EYA2: variants seen among roughly 807,000 people sequenced by gnomAD.
The protein encoded by EYA2 is EYA transcriptional coactivator and phosphatase 2, also known as protein phosphatase EYA2.
Under a neutral mutation model 69.2 loss-of-function variants are expected in EYA2, and 31 were observed. The observed-to-expected ratio is 0.45, with a 90% confidence interval of 0.34 to 0.60. EYA2 has a LOEUF of 0.60. Ranked by LOEUF, EYA2 falls within the 20% of genes least tolerant of loss-of-function variation. EYA2 has a pLI of 0.02. For missense variants in EYA2, 622 were observed against 701.2 expected, an observed-to-expected ratio of 0.89 and a Z score of 1.28; for synonymous variants, 257 against 279.4, an observed-to-expected ratio of 0.92 and a Z score of 0.80.
intron 9 of EYA2, among the ~76,000 whole-genome samples, chr20:47,105,226 A>G (rs1006014188): frequency 6.6e-6 from 1 of 152,080 alleles, no homozygotes; most frequent in Admixed American, 6.5e-5. Context: ...TGGCATCTCC[A>G]TTGGTTTTAT....
At chr20:46,906,659 A>T (rs923458659) in intron 1 of EYA2, among the ~76,000 whole-genome samples, 2 of 152,240 alleles carry the variant, frequency 1.3e-5, no homozygotes, top group African/African-American at 4.8e-5. Context: ...TACTGTTACT[A>T]TTCCCAGTTT....
At chr20:46,958,015 G>A (rs1979241063) in intron 1 of EYA2, among the ~76,000 whole-genome samples, 1 of 152,154 alleles carries the variant, frequency 6.6e-6, no homozygotes, top group African/African-American at 2.4e-5. Context: ...AAGACTTGCT[G>A]GCCTCTTCCC....
intron 10 of EYA2, among the ~76,000 whole-genome samples, chr20:47,154,819 T>TTGTGTG (rs11472542): frequency 0.15 from 20,742 of 140,628 alleles, 1,644 homozygotes; most frequent in Middle Eastern, 0.2. Flanking sequence ...TTATTTTGTT[T>TTGTGTG]TGTGTGTGTG....
chr20:47,022,690 G>A (rs1376805081), intron 5 of EYA2, among the ~76,000 whole-genome samples: 23 of 113,348 alleles, frequency 2.0e-4, no homozygotes, highest in Non-Finnish European at 3.5e-4. Flanking sequence ...CAGGGTCTCT[G>A]TCACCCGGGC....
intron 1 of EYA2, among the ~76,000 whole-genome samples, chr20:46,945,934 A>G (rs1357783628): frequency 2.0e-5 from 3 of 152,204 alleles, no homozygotes; most frequent in African/African-American, 7.2e-5. Context: ...GAGCTGTCTC[A>G]CGCTGGCTTG....
chr20:47,163,565 G>A (rs1568819056), intron 10 of EYA2, among the ~76,000 whole-genome samples: 1 of 151,880 alleles, frequency 6.6e-6, no homozygotes, highest in Non-Finnish European at 1.5e-5. Context: ...GGGCGTGGTG[G>A]TGCATGCCTG....
intron 7 of EYA2, among the ~76,000 whole-genome samples, chr20:47,087,401 G>A (rs73125547): frequency 0.019 from 2,929 of 152,254 alleles, 37 homozygotes; most frequent in Non-Finnish European, 0.031. Flanking sequence ...GGATGTCCTC[G>A]AAGGTTCACG....
intron 1 of EYA2, among the ~76,000 whole-genome samples, chr20:46,967,253 C>T (rs1025228105): frequency 1.3e-5 from 2 of 152,258 alleles, no homozygotes; most frequent in African/African-American, 2.4e-5. Flanking sequence ...CCGCCCACCT[C>T]GGCCTCCCGA....
intron 4 of EYA2, among the ~76,000 whole-genome samples, chr20:47,014,382 A>G (rs1983272871): frequency 6.6e-6 from 1 of 152,240 alleles, no homozygotes; most frequent in African/African-American, 2.4e-5. Flanking sequence ...GAAAGAAATG[A>G]AATTTTAAAC....
intron 10 of EYA2, among the ~76,000 whole-genome samples, chr20:47,144,940 A>G (rs1248090545): frequency 6.6e-6 from 1 of 152,234 alleles, no homozygotes; most frequent in Non-Finnish European, 1.5e-5. Flanking sequence ...CTAATGCGGT[A>G]AAGACTCAGC....
In EYA2 at chr20:47,180,924, G is replaced by A. The variant is rs867395689; in HGVS notation, c.1423G>A (p.Ala475Thr). 1 of 1,614,048 alleles carries A rather than the reference G, an allele frequency of 6.2e-7. No individual in the cohort carries two copies. Among genetic ancestry groups the A allele is most frequent in the South Asian group, 1.1e-5 (1 of 91,056 alleles). ...SVFPIENIYS[A>T]TKTGKESCFE... ...GTTTCCTATTGAGAACATCTACAGT[G>A]CAACCAAGACAGGTAGGGAGAAGCC... The change falls in exon 14 of 16, where the codon GCA becomes ACA. Residue 475 changes from alanine (A) to threonine (T), a missense_variant. Ala to Thr is a moderately conservative substitution (Grantham distance 58, BLOSUM62 0). This residue lies in a region of EYA2 where 257 missense variants were observed against 351.5 expected (regional missense o/e 0.73). Transcript: ENST00000327619.
chr20:47,155,019 C>T (rs1423028946), intron 10 of EYA2, among the ~76,000 whole-genome samples: 1 of 151,666 alleles, frequency 6.6e-6, no homozygotes, highest in Non-Finnish European at 1.5e-5. Context: ...CCACACCTGG[C>T]TAATTCTTGT....
intron 1 of EYA2, among the ~76,000 whole-genome samples, chr20:46,964,828 C>A (rs1473832272): frequency 6.6e-6 from 1 of 152,134 alleles, no homozygotes; most frequent in Non-Finnish European, 1.5e-5. Flanking sequence ...TCTGTGTGCC[C>A]CAGCATCTGC....
chr20:47,076,732 C>T (rs59290079), intron 7 of EYA2, among the ~76,000 whole-genome samples: 1,532 of 152,268 alleles, frequency 0.01, 66 homozygotes, highest in East Asian at 0.084. Flanking sequence ...TCCAGGTGTT[C>T]CAATGACAAT....
chr20:46,940,500 G>A (rs979902357), intron 1 of EYA2, among the ~76,000 whole-genome samples: 5 of 152,172 alleles, frequency 3.3e-5, no homozygotes, highest in Non-Finnish European at 7.3e-5. Context: ...CTTATAAAAC[G>A]TAAGTGATAA....
chr20:47,185,240 C>T (rs2146680366), intron 15 of EYA2, among the ~76,000 whole-genome samples: 1 of 144,624 alleles, frequency 6.9e-6, no homozygotes, highest in African/African-American at 2.5e-5. Context: ...TTTCTTCCAC[C>T]TTTGCTCATT....
intron 7 of EYA2, among the ~76,000 whole-genome samples, chr20:47,078,777 C>A (rs2031616418): frequency 6.6e-6 from 1 of 152,134 alleles, no homozygotes. Context: ...TTTTTAACTT[C>A]TAAGATCAAC....
chr20:47,013,936 A>G (rs1600639643), intron 4 of EYA2, among the ~76,000 whole-genome samples: 1 of 152,242 alleles, frequency 6.6e-6, no homozygotes, highest in East Asian at 1.9e-4. Context: ...AGAAGCATCA[A>G]GGTAAGGAAC....
At chr20:47,155,357 C>T (rs1386554343) in intron 10 of EYA2, among the ~76,000 whole-genome samples, 1 of 151,926 alleles carries the variant, frequency 6.6e-6, no homozygotes, top group Non-Finnish European at 1.5e-5. Flanking sequence ...CTGAATGCAC[C>T]TTCTAGAAAA....
Sources: gnomAD v4.1 joint callset for allele counts (sites outside exome capture counted in the v4.1 genomes callset) on GRCh38, gnomAD v4.1.1 for gene constraint, gnomAD v4.1.1 regional missense constraint, MANE v1.5 for transcripts, NCBI Gene and HGNC (gene_info 2026-07-23, HGNC 2026-07-21) for gene names.